FHIT: variants seen among roughly 807,000 people sequenced by gnomAD.
FHIT encodes the protein bis(5'-adenosyl)-triphosphatase.
In FHIT, 19 loss-of-function variants were observed where a neutral mutation model predicts 17.9. The ratio of observed to expected loss-of-function variants is 1.06; its 90% CI spans 0.74 to 1.56. The LOEUF is 1.56. Among genes scored for constraint, FHIT ranks in the 40% most tolerant of loss-of-function variants. The pLI, the probability that FHIT is intolerant of heterozygous loss-of-function variation, is 0.00. For synonymous variants in FHIT, 81 were observed against 69.7 expected (o/e 1.16, Z -0.81); for missense variants, 248 against 189.2 (o/e 1.31, Z -1.82).
At position 61,234,642 on chromosome 3, in the gene FHIT, T is replaced by C. The variant is rs576786226; in HGVS notation, c.-213+16659A>G. Among the ~76,000 whole-genome samples, 69 of 152,322 alleles carry C rather than the reference T, an allele frequency of 4.5e-4. 1 individual carries two copies. In the South Asian group the frequency reaches 0.011, roughly 25 times the overall value. ...ATGGGTGAAATGCAATGTTATTTTATTTTTTGAGTATTTCTATATTTTTTT... is the reference window on the plus strand; with the variant it reads ...ATGGGTGAAATGCAATGTTATTTTACTTTTTGAGTATTTCTATATTTTTTT... On this transcript the variant is annotated intron_variant, in intron 1 of 9. Coordinates refer to ENST00000492590, the MANE Select transcript of FHIT (RefSeq NM_002012.4).
chr3:59,872,397 C>G lies in FHIT; in HGVS notation c.348+49949G>C, dbSNP rs556768419. Among the ~76,000 whole-genome samples the G allele has an allele frequency of 7.9e-5, 12 of 152,242 alleles. No homozygotes were observed. The South Asian group carries it at 2.5e-3, about 32-fold the overall frequency. ...GCTTTTCTTCTTGGTGACTCAAAGA[C>G]AAAGCCAGCAGTACTTATTTAAAAC... On this transcript the variant is annotated intron_variant, in intron 8 of 9. Coordinates refer to ENST00000492590, the MANE Select transcript of FHIT (RefSeq NM_002012.4).
chr3:60,997,348 T>C (rs2030745271), intron 3 of FHIT, among the ~76,000 whole-genome samples: 1 of 152,122 alleles, frequency 6.6e-6, no homozygotes, highest in Non-Finnish European at 1.5e-5. Flanking sequence ...TGTTTGTCTG[T>C]CTGTCTCTTT....
At chr3:60,479,604 AC>A (rs2033512315) in intron 5 of FHIT, among the ~76,000 whole-genome samples, 2 of 152,084 alleles carry the variant, frequency 1.3e-5, no homozygotes, top group African/African-American at 4.8e-5. Context: ...GGGGTCCCCA[AC>A]CCCCTGGCTG....
chr3:60,069,691 G>T (rs1702680415), intron 5 of FHIT, among the ~76,000 whole-genome samples: 1 of 152,106 alleles, frequency 6.6e-6, no homozygotes, highest in African/African-American at 2.4e-5. Flanking sequence ...TTCTTGGAAA[G>T]ACATTCTGTG....
chr3:60,812,092 G>A (rs1389253523), intron 4 of FHIT, among the ~76,000 whole-genome samples: 1 of 151,842 alleles, frequency 6.6e-6, no homozygotes, highest in Non-Finnish European at 1.5e-5. Context: ...TTTCTCTCAT[G>A]TCACAGAGTA....
At chr3:60,578,916 T>G (rs996413599) in intron 4 of FHIT, among the ~76,000 whole-genome samples, 1 of 152,174 alleles carries the variant, frequency 6.6e-6, no homozygotes, top group African/African-American at 2.4e-5. Flanking sequence ...TTATATACCA[T>G]GTCTTTGGAC....
intron 5 of FHIT, among the ~76,000 whole-genome samples, chr3:60,493,330 T>C (rs2034146128): frequency 6.6e-6 from 1 of 152,202 alleles, no homozygotes; most frequent in Non-Finnish European, 1.5e-5. Context: ...AGAATCAGCC[T>C]ATATCCAAGG....
intron 2 of FHIT, among the ~76,000 whole-genome samples, chr3:61,137,766 A>T (rs1368412376): frequency 6.6e-6 from 1 of 152,220 alleles, no homozygotes; most frequent in Non-Finnish European, 1.5e-5. Flanking sequence ...GCAGACACTG[A>T]GGTCTGGATC....
intron 4 of FHIT, among the ~76,000 whole-genome samples, chr3:60,719,480 A>T (rs1340147349): frequency 6.6e-6 from 1 of 152,132 alleles, no homozygotes; most frequent in East Asian, 1.9e-4. Flanking sequence ...TATGATTAAG[A>T]TCATGGTCTT....
At chr3:60,322,503 C>G (rs1316328062) in intron 5 of FHIT, among the ~76,000 whole-genome samples, 1 of 152,180 alleles carries the variant, frequency 6.6e-6, no homozygotes, top group African/African-American at 2.4e-5. Flanking sequence ...AACAAGAAGT[C>G]TAAGGTCCAG....
At chr3:61,017,064 A>G (rs2032152899) in intron 3 of FHIT, among the ~76,000 whole-genome samples, 1 of 152,206 alleles carries the variant, frequency 6.6e-6, no homozygotes. Context: ...AGGTGAGCAG[A>G]TCGCCTGAGG....
At chr3:60,260,483 T>C (rs1217648519) in intron 5 of FHIT, among the ~76,000 whole-genome samples, 1 of 152,122 alleles carries the variant, frequency 6.6e-6, no homozygotes, top group African/African-American at 2.4e-5. Flanking sequence ...TGAAAACTTT[T>C]AACAAAACAA....
chr3:60,400,481 G>A (rs1043966512), intron 5 of FHIT, among the ~76,000 whole-genome samples: 1 of 152,112 alleles, frequency 6.6e-6, no homozygotes, highest in African/African-American at 2.4e-5. Flanking sequence ...GGAAAAGAAT[G>A]TTCTAACAAT....
At chr3:60,474,232 A>C (rs895461846) in intron 5 of FHIT, among the ~76,000 whole-genome samples, 10 of 152,234 alleles carry the variant, frequency 6.6e-5, no homozygotes, top group African/African-American at 1.9e-4. Context: ...AGCAAAGCCT[A>C]AATAATTTTC....
chr3:60,506,618 G>C (rs966400867), intron 5 of FHIT, among the ~76,000 whole-genome samples: 1 of 152,182 alleles, frequency 6.6e-6, no homozygotes, highest in Non-Finnish European at 1.5e-5. Context: ...TGGATCACAA[G>C]TGGATATAAC....
intron 5 of FHIT, among the ~76,000 whole-genome samples, chr3:60,244,584 G>C (rs777216547): frequency 1.3e-5 from 2 of 151,928 alleles, no homozygotes; most frequent in Non-Finnish European, 2.9e-5. Flanking sequence ...AACAAACTTT[G>C]TTGCCACAGA....
At chr3:60,537,435 G>C (rs993811588) in intron 4 of FHIT, 3 of 975,280 alleles carry the variant, frequency 3.1e-6, no homozygotes, top group Non-Finnish European at 3.7e-6. Context: ...TAGCAATTTA[G>C]AACAAGTACG....
chr3:61,107,016 G>A (rs1201257941), intron 2 of FHIT, among the ~76,000 whole-genome samples: 1 of 152,034 alleles, frequency 6.6e-6, no homozygotes, highest in Admixed American at 6.6e-5. Context: ...TGCTTTTCAA[G>A]AAAATAATAC....
intron 8 of FHIT, among the ~76,000 whole-genome samples, chr3:59,863,176 T>C (rs1200584223): frequency 2.0e-5 from 3 of 152,206 alleles, no homozygotes; most frequent in African/African-American, 7.2e-5. Context: ...TCCATGCCAA[T>C]GCAGTTACCC....
Sources: allele counts gnomAD v4.1 joint callset (sites outside exome capture counted in the v4.1 genomes callset), GRCh38; gene constraint gnomAD v4.1.1; transcripts MANE v1.5; gene names NCBI Gene and HGNC (gene_info 2026-07-23, HGNC 2026-07-21).